The following FAM174A variants were observed in gnomAD, a reference collection of about 807,000 sequenced individuals.
FAM174A encodes the protein family with sequence similarity 174 member A.
FAM174A carries 14 observed loss-of-function variants against 14.3 expected under a neutral mutation model. The observed-to-expected ratio is 0.98, with a 90% CI of 0.65 to 1.53. The LOEUF (loss-of-function observed/expected upper bound fraction) is 1.53. Ranked by LOEUF, FAM174A falls within the 40% of genes most tolerant of loss-of-function variation. FAM174A has a pLI of 0.00. For missense variants in FAM174A, 241 were observed against 249.6 expected, an observed-to-expected ratio of 0.97 and a Z score of 0.23; for synonymous variants, 108 against 111.4, an observed-to-expected ratio of 0.97 and a Z score of 0.19.
chr5:100,554,852 A>C (rs555238326), intron 1 of FAM174A, among the ~76,000 whole-genome samples: 1 of 152,224 alleles, frequency 6.6e-6, no homozygotes, highest in African/African-American at 2.4e-5. Context: ...ATTTAAATGA[A>C]TATGTCGCAG....
intron 1 of FAM174A, among the ~76,000 whole-genome samples, chr5:100,556,513 A>G (rs1331742597): frequency 6.6e-6 from 1 of 152,252 alleles, no homozygotes; most frequent in Admixed American, 6.5e-5. Flanking sequence ...ATGGCATTGA[A>G]TCTATAAATT....
chr5:100,561,314 A>G (rs1348342648), intron 1 of FAM174A, among the ~76,000 whole-genome samples: 1 of 151,890 alleles, frequency 6.6e-6, no homozygotes, highest in African/African-American at 2.4e-5. Context: ...GTTAAAAGAC[A>G]GGTTTCTGGG....
At chr5:100,564,621 A>G (rs1184200173) in intron 2 of FAM174A, among the ~76,000 whole-genome samples, 3 of 151,858 alleles carry the variant, frequency 2.0e-5, no homozygotes, top group African/African-American at 7.2e-5. Flanking sequence ...AAAAGATAAA[A>G]TCAATAAACC....
At chr5:100,579,706 G>A (rs945089392) in intron 2 of FAM174A, among the ~76,000 whole-genome samples, 6 of 152,140 alleles carry the variant, frequency 3.9e-5, no homozygotes, top group East Asian at 1.9e-4. Flanking sequence ...GATTACAGGC[G>A]TGAGCCACTG....
At chr5:100,541,432 C>T (rs1353499953) in intron 1 of FAM174A, among the ~76,000 whole-genome samples, 1 of 152,054 alleles carries the variant, frequency 6.6e-6, no homozygotes, top group Non-Finnish European at 1.5e-5. Context: ...CAAACTTGCC[C>T]TGTAACTGAA....
chr5:100,563,704 C>A (rs1222821482), intron 2 of FAM174A, among the ~76,000 whole-genome samples: 1 of 151,842 alleles, frequency 6.6e-6, no homozygotes, highest in Non-Finnish European at 1.5e-5. Flanking sequence ...TTCTCAAGTG[C>A]CCATGGGATG....
intron 2 of FAM174A, among the ~76,000 whole-genome samples, chr5:100,568,533 T>G (rs1415425587): frequency 2.6e-5 from 4 of 151,174 alleles, no homozygotes; most frequent in Non-Finnish European, 5.9e-5. Context: ...CTTTAGATAT[T>G]ATCACTTCAC....
At chr5:100,572,298 T>C (rs1296774449) in intron 2 of FAM174A, among the ~76,000 whole-genome samples, 1 of 150,480 alleles carries the variant, frequency 6.6e-6, no homozygotes, top group African/African-American at 2.5e-5. Flanking sequence ...ATGTGCACAT[T>C]GTGCAGGTTA....
At chr5:100,556,816 T>C (rs973719956) in intron 1 of FAM174A, among the ~76,000 whole-genome samples, 9 of 152,318 alleles carry the variant, frequency 5.9e-5, no homozygotes, top group Non-Finnish European at 8.8e-5. Flanking sequence ...TTGCTGAAGT[T>C]GCCTATCAGC....
At chr5:100,579,331 C>T (rs751903969) in intron 2 of FAM174A, among the ~76,000 whole-genome samples, 3 of 152,178 alleles carry the variant, frequency 2.0e-5, no homozygotes, top group South Asian at 4.2e-4. Context: ...AGACACACTT[C>T]ATTATTCAGT....
At chr5:100,540,472 G>A (rs1746027881) in intron 1 of FAM174A, among the ~76,000 whole-genome samples, 1 of 152,098 alleles carries the variant, frequency 6.6e-6, no homozygotes, top group Non-Finnish European at 1.5e-5. Flanking sequence ...GTCCTGGTTT[G>A]CCATTATTTA....
chr5:100,556,888 AC>A, intron 1 of FAM174A, among the ~76,000 whole-genome samples: 1 of 152,288 alleles, frequency 6.6e-6, no homozygotes, highest in East Asian at 1.9e-4. Context: ...TCATCTGCAA[AC>A]AGGGGCAATT....
intron 2 of FAM174A, among the ~76,000 whole-genome samples, chr5:100,569,895 GAT>G (rs969044129): frequency 7.2e-5 from 11 of 151,736 alleles, no homozygotes; most frequent in Non-Finnish European, 1.3e-4. Context: ...ATGGAGTTGG[GAT>G]TCACAATTTT....
At chr5:100,580,484 G>A (rs535328379) in intron 2 of FAM174A, among the ~76,000 whole-genome samples, 6 of 152,300 alleles carry the variant, frequency 3.9e-5, no homozygotes, top group South Asian at 2.1e-4. Flanking sequence ...CTTGGAGTCC[G>A]ATATTCGACG....
At chr5:100,548,422 A>G (rs1051703727) in intron 1 of FAM174A, among the ~76,000 whole-genome samples, 1 of 152,124 alleles carries the variant, frequency 6.6e-6, no homozygotes, top group African/African-American at 2.4e-5. Flanking sequence ...TTATTACTAC[A>G]TAAGGATGAA....
At chr5:100,570,804 T>C (rs925072994) in intron 2 of FAM174A, among the ~76,000 whole-genome samples, 1 of 151,950 alleles carries the variant, frequency 6.6e-6, no homozygotes, top group Non-Finnish European at 1.5e-5. Flanking sequence ...CTTGCCCCAA[T>C]ATTAAGTAGG....
At chr5:100,577,371 A>T (rs1248291568) in intron 2 of FAM174A, among the ~76,000 whole-genome samples, 1 of 152,194 alleles carries the variant, frequency 6.6e-6, no homozygotes, top group South Asian at 2.1e-4. Context: ...TAACTTAAAA[A>T]GCCCTAAATT....
chr5:100,586,192 C>A lies in FAM174A; in HGVS notation c.*8C>A. 1 of 1,409,648 alleles carries A rather than the reference C, an allele frequency of 7.1e-7. No homozygotes were observed. The allele number at this position is 1,409,648 out of a possible 1,614,324, so 87.3% of individuals were successfully genotyped here. On this transcript the variant is annotated 3_prime_UTR_variant, in exon 3 of 3. Transcript: ENST00000312637. ...TCTTTTTCTTGCAGATAAGAATGTGCCTTTTGATGAAAGAACTTTATCTTT... is the reference window on the plus strand; with the variant it reads ...TCTTTTTCTTGCAGATAAGAATGTGACTTTTGATGAAAGAACTTTATCTTT...
intron 1 of FAM174A, among the ~76,000 whole-genome samples, chr5:100,554,420 CA>C (rs928441153): frequency 1.3e-5 from 2 of 148,558 alleles, no homozygotes; most frequent in African/African-American, 2.5e-5. Context: ...AGGTTCAAGC[CA>C]TTCTCCTGCT....
Sources: allele counts gnomAD v4.1 joint callset (sites outside exome capture counted in the v4.1 genomes callset), GRCh38; gene constraint gnomAD v4.1.1; transcripts MANE v1.5; gene names NCBI Gene and HGNC (gene_info 2026-07-23, HGNC 2026-07-21).